Variants in CD8B2 observed in about 807,000 individuals in gnomAD.
The protein encoded by CD8B2 is CD8B family member 2.
Under a neutral mutation model 23.7 loss-of-function variants are expected in CD8B2, and 11 were observed. That is an observed-to-expected ratio of 0.46 (90% CI 0.29 to 0.77). CD8B2 has a LOEUF of 0.77. Among genes scored for constraint, CD8B2 ranks in the 30% least tolerant of loss-of-function variants. The probability of loss-of-function intolerance (pLI) is 0.09; values close to 1 mark genes in which losing one functional copy is unlikely to be tolerated. For missense variants in CD8B2, 197 were observed against 270.5 expected, an observed-to-expected ratio of 0.73 and a Z score of 1.91; for synonymous variants, 90 against 109.3, an observed-to-expected ratio of 0.82 and a Z score of 1.10.
Position 106,510,044 on chromosome 2 carries a change from G to C in CD8B2, c.*3104G>C, listed in dbSNP as rs943601775. 2.0e-5 allele frequency: 3 copies of C among 152,182 alleles called. No homozygotes were observed. Among genetic ancestry groups the C allele is most frequent in the African/African-American group, 7.2e-5 (3 of 41,452 alleles). 9.4% of individuals were successfully genotyped at this position (152,182 alleles called of 1,614,324 possible). A position where few individuals can be genotyped will look rare whatever the true frequency, so the allele number is the denominator to read the frequency against. ...AGATCCATATATGCTGATATCAAAT[G>C]ATGGTCATGACAAATGCATATATTT... is the stretch of plus-strand genomic sequence containing the variant. On this transcript the variant is annotated 3_prime_UTR_variant, in exon 6 of 6. Transcript: ENST00000643224.
At chr2:106,524,246 G>C (rs576628498) in intron 5 of CD8B2, among the ~76,000 whole-genome samples, 6 of 152,286 alleles carry the variant, frequency 3.9e-5, no homozygotes, top group African/African-American at 1.2e-4. Context: ...GTGGGTCAGA[G>C]TTCTATTTTC....
chr2:106,528,031 G>A (rs947144962), intron 5 of CD8B2, among the ~76,000 whole-genome samples: 3 of 152,184 alleles, frequency 2.0e-5, no homozygotes, highest in African/African-American at 7.2e-5. Context: ...GCTAAACGTG[G>A]GTACAAGCTA....
At chr2:106,536,759 A>G (rs1246541037) in intron 5 of CD8B2, among the ~76,000 whole-genome samples, 2 of 152,188 alleles carry the variant, frequency 1.3e-5, no homozygotes, top group Non-Finnish European at 2.9e-5. Context: ...AAGTAAGGGC[A>G]GATTCATCAA....
intron 5 of CD8B2, among the ~76,000 whole-genome samples, chr2:106,542,193 C>T (rs553122547): frequency 2.0e-5 from 3 of 152,338 alleles, no homozygotes; most frequent in African/African-American, 7.2e-5. Flanking sequence ...TCACGGTCTC[C>T]GTCTCTGTTG....
At chr2:106,527,143 A>C (rs1303177693) in intron 5 of CD8B2, among the ~76,000 whole-genome samples, 1 of 152,184 alleles carries the variant, frequency 6.6e-6, no homozygotes, top group Non-Finnish European at 1.5e-5. Context: ...CTTTTTGAGG[A>C]ACTGCTGGAC....
intron 3 of CD8B2, among the ~76,000 whole-genome samples, chr2:106,497,847 T>C (rs1389529440): frequency 6.6e-6 from 1 of 151,890 alleles, no homozygotes. Flanking sequence ...AAAAGGCAAA[T>C]ACAATAGAGC....
chr2:106,517,743 C>T (rs1404244458), intron 5 of CD8B2, among the ~76,000 whole-genome samples: 4 of 151,314 alleles, frequency 2.6e-5, no homozygotes, highest in East Asian at 1.9e-4. Context: ...GACAGGGTGT[C>T]GCTCCGTCGC....
chr2:106,494,834 C>A (rs1184814361), intron 2 of CD8B2, among the ~76,000 whole-genome samples: 1 of 152,146 alleles, frequency 6.6e-6, no homozygotes, highest in South Asian at 2.1e-4. Flanking sequence ...TGGTGTTCAC[C>A]TTTGAAATTA....
chr2:106,511,791 G>C (rs1329925962), downstream of CD8B2, among the ~76,000 whole-genome samples: 1 of 152,214 alleles, frequency 6.6e-6, no homozygotes, highest in Non-Finnish European at 1.5e-5. Flanking sequence ...GGAACCGTGA[G>C]TCACTGGTTC....
At chr2:106,489,549 G>T in intron 1 of CD8B2, among the ~76,000 whole-genome samples, 1 of 152,160 alleles carries the variant, frequency 6.6e-6, no homozygotes, top group Non-Finnish European at 1.5e-5. Context: ...CAACTCCTGC[G>T]TCTCTGCCCT....
intron 1 of CD8B2, among the ~76,000 whole-genome samples, chr2:106,489,222 C>T (rs1237599531): frequency 1.3e-5 from 2 of 150,790 alleles, no homozygotes; most frequent in South Asian, 4.2e-4. Flanking sequence ...AGGCTGGTCT[C>T]GATATCCTGA....
In CD8B2 at chr2:106,494,427, C is replaced by T. The variant is rs1349995973; in HGVS notation, c.404-1746C>T. Among the ~76,000 whole-genome samples the T allele has an allele frequency of 5.9e-5, 9 of 152,020 alleles. No homozygotes were observed. In the East Asian group the frequency reaches 1.2e-3, roughly 20 times the overall value. ...CCTCCCAAAGTGCTGGGATTACAGGCGTGAGTCACCGCGCCCAGCCTTAAT... is the reference window on the plus strand; with the variant it reads ...CCTCCCAAAGTGCTGGGATTACAGGTGTGAGTCACCGCGCCCAGCCTTAAT... On this transcript the variant is annotated intron_variant, in intron 2 of 5. Transcript: ENST00000643224.
At chr2:106,539,402 T>A (rs1192696323) in intron 5 of CD8B2, among the ~76,000 whole-genome samples, 2 of 152,246 alleles carry the variant, frequency 1.3e-5, no homozygotes, top group African/African-American at 4.8e-5. Flanking sequence ...TTTAGAGAAC[T>A]ACTTTATGGA....
intron 2 of CD8B2, among the ~76,000 whole-genome samples, chr2:106,494,596 G>T (rs1369961869): frequency 2.0e-5 from 3 of 152,010 alleles, no homozygotes; most frequent in African/African-American, 7.3e-5. Context: ...AAAGGCAAGG[G>T]TTGGACTCTG....
chr2:106,527,856 G>A (rs1222293994), intron 5 of CD8B2, among the ~76,000 whole-genome samples: 1 of 152,108 alleles, frequency 6.6e-6, no homozygotes, highest in Admixed American at 6.5e-5. Flanking sequence ...CAGCCTCGCA[G>A]GGAGGAGAGA....
At chr2:106,519,151 A>G (rs1679779709) in intron 5 of CD8B2, among the ~76,000 whole-genome samples, 2 of 152,234 alleles carry the variant, frequency 1.3e-5, no homozygotes, top group Non-Finnish European at 2.9e-5. Flanking sequence ...TACACTTACA[A>G]CAATAAGATT....
At chr2:106,529,964 G>A (rs1219908635) in intron 5 of CD8B2, among the ~76,000 whole-genome samples, 3 of 152,202 alleles carry the variant, frequency 2.0e-5, no homozygotes, top group African/African-American at 4.8e-5. Context: ...GTGGGACTAC[G>A]AAGTACTCAT....
downstream of CD8B2, among the ~76,000 whole-genome samples, chr2:106,515,365 A>G (rs4676044): frequency 0.49 from 74,437 of 152,040 alleles, 18,343 homozygotes; most frequent in East Asian, 0.73. Flanking sequence ...GCTCCCCACA[A>G]CATTCATGTT....
At position 106,507,928 on chromosome 2, in the gene CD8B2, A is replaced by G. The variant is rs1240055172; in HGVS notation, c.*988A>G. 1 of 149,008 alleles carries G rather than the reference A, an allele frequency of 6.7e-6. No individual in the cohort carries two copies. Among genetic ancestry groups the G allele is most frequent in the Non-Finnish European group, 1.5e-5 (1 of 67,428 alleles). The allele number at this position is 149,008 out of a possible 1,614,324, so 9.2% of individuals were successfully genotyped here. A position where few individuals can be genotyped will look rare whatever the true frequency, so the allele number is the denominator to read the frequency against. ...CGTGTTCATTTCTACCGCGGGTTGA[A>G]CCGCAGGGATCCCTGGCTTCAAGTC... is the stretch of plus-strand genomic sequence containing the variant. On this transcript the variant is annotated 3_prime_UTR_variant, in exon 6 of 6. Transcript: ENST00000643224.
Sources: allele counts gnomAD v4.1 joint callset (sites outside exome capture counted in the v4.1 genomes callset), GRCh38; gene constraint gnomAD v4.1.1; transcripts MANE v1.5; gene names NCBI Gene and HGNC (gene_info 2026-07-23, HGNC 2026-07-21).